GRIP1: variants seen among roughly 807,000 people sequenced by gnomAD.
The protein encoded by GRIP1 is glutamate receptor interacting protein 1.
Under a neutral mutation model 129.9 loss-of-function variants are expected in GRIP1, and 45 were observed. That is an observed-to-expected ratio of 0.35 (90% CI 0.27 to 0.44). GRIP1 has a LOEUF of 0.44. Ranked by LOEUF, GRIP1 falls within the 20% of genes least tolerant of loss-of-function variation. GRIP1 has a pLI of 1.00. For missense variants in GRIP1, 1,196 were observed against 1,396.8 expected (o/e 0.86, Z 2.29); for synonymous variants, 530 against 520.8 (o/e 1.02, Z -0.24).
intron 1 of GRIP1, among the ~76,000 whole-genome samples, chr12:66,968,056 A>G (rs2042022028): frequency 6.6e-6 from 1 of 152,186 alleles, no homozygotes; most frequent in Non-Finnish European, 1.5e-5. Context: ...CAGCTACAAT[A>G]GTCAATTTGT....
intron 1 of GRIP1, among the ~76,000 whole-genome samples, chr12:66,646,661 G>A (rs951437994): frequency 2.6e-5 from 4 of 152,096 alleles, no homozygotes; most frequent in East Asian, 1.9e-4. Context: ...TATTTGCTAC[G>A]TTAAAAGATG....
chr12:66,689,327 C>G (rs1240531018), intron 1 of GRIP1, among the ~76,000 whole-genome samples: 3 of 152,136 alleles, frequency 2.0e-5, no homozygotes, highest in African/African-American at 7.2e-5. Context: ...GAGCCGAAGT[C>G]CAGGAAAAGC....
intron 1 of GRIP1, among the ~76,000 whole-genome samples, chr12:67,043,546 A>G (rs1249506432): frequency 1.3e-5 from 2 of 152,212 alleles, no homozygotes; most frequent in Admixed American, 1.3e-4. Context: ...AAGAAGGCTT[A>G]GCCCAGAGCA....
chr12:66,526,825 A>C (rs2061258637), intron 5 of GRIP1, among the ~76,000 whole-genome samples: 1 of 151,722 alleles, frequency 6.6e-6, no homozygotes. Context: ...ACTCAAACAA[A>C]TTTACAAGAA....
At chr12:66,555,903 G>C (rs967211918) in intron 2 of GRIP1, among the ~76,000 whole-genome samples, 2 of 151,942 alleles carry the variant, frequency 1.3e-5, no homozygotes, top group African/African-American at 4.8e-5. Flanking sequence ...AAAGGAATAA[G>C]GCATGCCTAT....
chr12:66,580,639 C>A (rs1278444260), intron 2 of GRIP1, among the ~76,000 whole-genome samples: 3 of 147,168 alleles, frequency 2.0e-5, no homozygotes, highest in African/African-American at 7.5e-5. Flanking sequence ...TTTAAACCAA[C>A]AAAGATCAAA....
intron 1 of GRIP1, among the ~76,000 whole-genome samples, chr12:66,688,060 G>A (rs1219819433): frequency 2.6e-5 from 4 of 152,164 alleles, no homozygotes; most frequent in African/African-American, 4.8e-5. Flanking sequence ...GTCGAGGGAT[G>A]GAGAGTGACA....
At chr12:66,890,535 T>C (rs1299756157) in intron 1 of GRIP1, among the ~76,000 whole-genome samples, 1 of 152,208 alleles carries the variant, frequency 6.6e-6, no homozygotes, top group East Asian at 1.9e-4. Context: ...GTTAAAGAAC[T>C]TACTTGTTAG....
chr12:66,474,930 A>C (rs2059558466), intron 7 of GRIP1, among the ~76,000 whole-genome samples: 1 of 152,234 alleles, frequency 6.6e-6, no homozygotes, highest in South Asian at 2.1e-4. Flanking sequence ...CTAACAAGCA[A>C]AATGACCAGC....
At chr12:66,698,650 A>C (rs751645912) in intron 1 of GRIP1, among the ~76,000 whole-genome samples, 13 of 152,112 alleles carry the variant, frequency 8.5e-5, no homozygotes, top group Non-Finnish European at 1.6e-4. Flanking sequence ...TGAAGATAAT[A>C]ATAGTCTGGC....
chr12:66,901,341 G>A (rs1459116429), intron 1 of GRIP1, among the ~76,000 whole-genome samples: 2 of 152,218 alleles, frequency 1.3e-5, no homozygotes, highest in East Asian at 3.8e-4. Context: ...GAAAGCAGAA[G>A]TAGGCCTAAG....
chr12:66,505,601 G>T (rs7313809), intron 7 of GRIP1, among the ~76,000 whole-genome samples: 74,915 of 152,004 alleles, frequency 0.49, 19,028 homozygotes, highest in African/African-American at 0.63. Flanking sequence ...AATGGTGGGA[G>T]GGGTTGGTGT....
intron 1 of GRIP1, among the ~76,000 whole-genome samples, chr12:66,723,237 TCTCTTC>T (rs1419362538): frequency 3.0e-4 from 5 of 16,416 alleles, no homozygotes; most frequent in African/African-American, 1.1e-3. Context: ...TCTCTCTCTC[TCTCTTC>T]CTTCCTTCCT....
At chr12:66,597,539 C>T (rs905956160) in intron 1 of GRIP1, among the ~76,000 whole-genome samples, 2 of 151,996 alleles carry the variant, frequency 1.3e-5, no homozygotes, top group African/African-American at 2.4e-5. Flanking sequence ...AGGGAAGGAA[C>T]GATGGTTTGG....
rs186811362 is a variant in GRIP1 at position 66,712,210 on chromosome 12, G to A, written c.-419-81874C>T. Reference sequence around the variant, plus strand: ...AAGTTAAGCTTGGTATTTACCAACTGGAAAATATTTTATATTAGTAAATCA... The same window carrying A: ...AAGTTAAGCTTGGTATTTACCAACTAGAAAATATTTTATATTAGTAAATCA... On this transcript the variant is annotated intron_variant, in intron 1 of 4. Coordinates refer to the GRIP1 transcript ENST00000538373. Among the ~76,000 whole-genome samples, 281 of 151,850 alleles carry A rather than the reference G, an allele frequency of 1.9e-3. 1 individual carries two copies. Among genetic ancestry groups the A allele is most frequent in the Non-Finnish European group, 3.2e-3 (220 of 67,858 alleles).
chr12:66,691,009 A>C (rs985305095), intron 1 of GRIP1, among the ~76,000 whole-genome samples: 1 of 152,132 alleles, frequency 6.6e-6, no homozygotes, highest in Admixed American at 6.6e-5. Flanking sequence ...TTCCAACAAC[A>C]GTGTAAATAG....
At chr12:66,491,798 G>T (rs754580574) in intron 7 of GRIP1, among the ~76,000 whole-genome samples, 1 of 152,142 alleles carries the variant, frequency 6.6e-6, no homozygotes, top group Non-Finnish European at 1.5e-5. Context: ...GAAAATACTT[G>T]CCACCAAGGC....
At chr12:66,762,103 T>A (rs960152161) in intron 1 of GRIP1, among the ~76,000 whole-genome samples, 2 of 152,226 alleles carry the variant, frequency 1.3e-5, no homozygotes, top group African/African-American at 4.8e-5. Context: ...ATTAAAATAA[T>A]GGGAAAACTA....
chr12:66,373,076 A>G (rs922029982), intron 22 of GRIP1, among the ~76,000 whole-genome samples: 2 of 150,914 alleles, frequency 1.3e-5, no homozygotes, highest in Non-Finnish European at 3.0e-5. Context: ...ACTTCTCTCA[A>G]TTTATTTATT....
Sources: gnomAD v4.1 joint callset for allele counts (sites outside exome capture counted in the v4.1 genomes callset) on GRCh38, gnomAD v4.1.1 for gene constraint, MANE v1.5 for transcripts, NCBI Gene and HGNC (gene_info 2026-07-23, HGNC 2026-07-21) for gene names.